FNBP1: variants seen among roughly 807,000 people sequenced by gnomAD.
The protein encoded by FNBP1 is formin binding protein 1, also known as formin-binding protein 1.
FNBP1 carries 26 observed loss-of-function variants against 90.6 expected under a neutral mutation model. The observed-to-expected ratio is 0.29, with a 90% CI of 0.21 to 0.40. The LOEUF is 0.40. Ranked by LOEUF, FNBP1 falls within the 10% of genes least tolerant of loss-of-function variation. The pLI is 1.00. For synonymous variants in FNBP1, 260 were observed against 265.2 expected, an observed-to-expected ratio of 0.98 and a Z score of 0.19; for missense variants, 635 against 768.0, an observed-to-expected ratio of 0.83 and a Z score of 2.05.
chr9:129,927,285 T>G lies in FNBP1; in HGVS notation c.699A>C (p.Thr233=). The change falls in exon 8 of 17, where the codon ACA becomes ACC. Residue 233 remains threonine (T), a synonymous_variant. Transcript: ENST00000446176. ...RIVRMGESMK[T]YAEVDRQVIP... is the part of the protein sequence containing the mutation. ...TCACCTGCCGATCAACCTCTGCATA[T>G]GTCTTCATGGACTCTCCCATTCTCA... 1 of 1,613,688 alleles carries G rather than the reference T, an allele frequency of 6.2e-7. No homozygotes were observed. The highest frequency in any genetic ancestry group is 8.5e-7 in the Non-Finnish European group (1 of 1,179,588).
At chr9:129,962,949 T>C (rs1422394656) in intron 4 of FNBP1, among the ~76,000 whole-genome samples, 1 of 151,764 alleles carries the variant, frequency 6.6e-6, no homozygotes, top group African/African-American at 2.4e-5. Context: ...TGTGCCCTTT[T>C]TGGAAGGCAC....
At chr9:129,954,776 C>T (rs1439473560) in intron 6 of FNBP1, among the ~76,000 whole-genome samples, 1 of 152,176 alleles carries the variant, frequency 6.6e-6, no homozygotes, top group East Asian at 1.9e-4. Context: ...GCTGGTGGAT[C>T]ACCTGAGGTC....
chr9:129,988,180 G>C (rs1449080040), intron 2 of FNBP1, among the ~76,000 whole-genome samples: 2 of 152,044 alleles, frequency 1.3e-5, no homozygotes, highest in African/African-American at 4.8e-5. Context: ...TGCTAATGGA[G>C]TGTCATGGGC....
chr9:129,910,577 C>T (rs1045142756), intron 11 of FNBP1, among the ~76,000 whole-genome samples: 1 of 150,868 alleles, frequency 6.6e-6, no homozygotes, highest in Non-Finnish European at 1.5e-5. Context: ...ACTTTAAACC[C>T]TCAATTCTTT....
At chr9:129,931,664 G>A (rs1015180769) in intron 6 of FNBP1, among the ~76,000 whole-genome samples, 2 of 151,810 alleles carry the variant, frequency 1.3e-5, no homozygotes, top group Admixed American at 6.6e-5. Context: ...TGGGTGTGGT[G>A]ATGTGTGCCT....
Position 129,929,581 on chromosome 9 carries a change from G to A in FNBP1, c.628C>T (p.Pro210Ser). 1 of 1,613,708 alleles carries A rather than the reference G, an allele frequency of 6.2e-7. No homozygotes were observed. The highest frequency in any genetic ancestry group is 8.5e-7 in the Non-Finnish European group (1 of 1,179,688). The change falls in exon 7 of 17, where the codon CCC (proline) becomes TCC (serine). Residue 210 changes from proline to serine, a missense_variant. Transcript: ENST00000446176. Reference protein sequence around the residue: ...EQHEYYHTHIPNIFQKIQEME... With the variant: ...EQHEYYHTHISNIFQKIQEME... The stretch of plus-strand genomic sequence containing the variant: ...TCAGGACTTACCTGGAAGATGTTGG[G>A]GATGTGAGTATGGTAATATTCATGC...
chr9:129,891,737 AAGG>A (rs1209075704), intron 16 of FNBP1, among the ~76,000 whole-genome samples: 1 of 152,176 alleles, frequency 6.6e-6, no homozygotes, highest in Admixed American at 6.6e-5. Flanking sequence ...CCATCATTTA[AAGG>A]AGGAGGTAGG....
chr9:130,022,209 C>T (rs2057901199), intron 1 of FNBP1, among the ~76,000 whole-genome samples: 1 of 145,470 alleles, frequency 6.9e-6, no homozygotes, highest in Non-Finnish European at 1.5e-5. Context: ...ATAAAATTAA[C>T]TTTTTTTTTT....
chr9:129,952,419 A>C (rs1024750931), intron 6 of FNBP1, among the ~76,000 whole-genome samples: 6 of 151,878 alleles, frequency 4.0e-5, no homozygotes, highest in Admixed American at 2.0e-4. Context: ...AATCGCTTGA[A>C]CCTGGGAGGT....
intron 2 of FNBP1, among the ~76,000 whole-genome samples, chr9:129,989,829 G>C (rs1266165667): frequency 6.6e-6 from 1 of 152,306 alleles, no homozygotes; most frequent in Non-Finnish European, 1.5e-5. Context: ...CTTGAACCTA[G>C]AAGTTCAAGA....
chr9:129,957,080 C>T lies in FNBP1; in HGVS notation c.513+280G>A, dbSNP rs1303211304. On this transcript the variant is annotated intron_variant, in intron 6 of 16. Coordinates refer to ENST00000446176, the MANE Select transcript of FNBP1 (RefSeq NM_015033.3). This position sits in a 1 kb window ranked among gnomAD's most constrained non-coding sequence, Gnocchi z 4.3. ...TGGCGATAGTTTCGCTCTTGTTACC[C>T]AGGCTGGAGTGCAGTGGCGTGATCT... Among the ~76,000 whole-genome samples, 2 of 151,618 alleles carry T rather than the reference C, an allele frequency of 1.3e-5. No individual in the cohort carries two copies. The highest frequency in any genetic ancestry group is 4.8e-5 in the African/African-American group (2 of 41,242).
chr9:130,043,181 A>T lies in FNBP1; in HGVS notation c.-206T>A, dbSNP rs2059994898. 7 of 382,770 alleles carry T rather than the reference A, an allele frequency of 1.8e-5. No homozygotes were observed. Among genetic ancestry groups the T allele is most frequent in the Non-Finnish European group, 3.2e-5 (7 of 220,216 alleles). The allele number at this position is 382,770 out of a possible 1,614,324, so 23.7% of individuals were successfully genotyped here. A position where few individuals can be genotyped will look rare whatever the true frequency, so the allele number is the denominator to read the frequency against. On this transcript the variant is annotated 5_prime_UTR_variant, in exon 1 of 17. Coordinates refer to ENST00000446176, the MANE Select transcript of FNBP1 (RefSeq NM_015033.3). ...CCACAGCAAAATGGCCCGAGGAAGCAGCAGCCGCGGCCGCCGCAGCGCCCG... is the reference window on the plus strand; with the variant it reads ...CCACAGCAAAATGGCCCGAGGAAGCTGCAGCCGCGGCCGCCGCAGCGCCCG...
intron 1 of FNBP1, among the ~76,000 whole-genome samples, chr9:130,007,997 C>A (rs377712298): frequency 0.03 from 2,814 of 94,998 alleles, no homozygotes; most frequent in African/African-American, 0.03. Flanking sequence ...GACTCTGTCT[C>A]AAAAAAAAAA....
At chr9:129,903,150 C>G (rs1316247601) in intron 12 of FNBP1, 149 bp from the exon 13 acceptor site, 1 of 716,690 alleles carries the variant, frequency 1.4e-6, no homozygotes, top group African/African-American at 1.8e-5. Context: ...CTCCAGGGTT[C>G]AAGCAATTCT....
At chr9:129,993,904 C>T (rs1231355788) in intron 2 of FNBP1, among the ~76,000 whole-genome samples, 4 of 152,124 alleles carry the variant, frequency 2.6e-5, no homozygotes, top group Non-Finnish European at 4.4e-5. Context: ...GGATTACAGG[C>T]GTGAGCCACT....
rs145763613 is a variant in FNBP1, at chr9:129,907,888, G to A, written c.1295+1002C>T. Among the ~76,000 whole-genome samples, 367 of 151,038 alleles carry A rather than the reference G, an allele frequency of 2.4e-3. 1 individual carries two copies. Among genetic ancestry groups the A allele is most frequent in the African/African-American group, 8.5e-3 (351 of 41,078 alleles). On this transcript the variant is annotated intron_variant, in intron 12 of 16. Transcript: ENST00000446176. ...GGACTATAGGCGCCCGCCACCATGC[G>A]AGCTAATTTTTTGTAATTTTAGTAG... is the stretch of plus-strand genomic sequence containing the variant.
At chr9:129,969,187 T>C (rs992338840) in intron 4 of FNBP1, among the ~76,000 whole-genome samples, 21 of 152,226 alleles carry the variant, frequency 1.4e-4, no homozygotes, top group Non-Finnish European at 2.4e-4. Flanking sequence ...TCCACACCCA[T>C]GTTGATCATT....
At chr9:130,009,945 C>CTCCA (rs971803544) in intron 1 of FNBP1, among the ~76,000 whole-genome samples, 1 of 148,662 alleles carries the variant, frequency 6.7e-6, no homozygotes, top group Non-Finnish European at 1.5e-5. Context: ...TGCCACTGTA[C>CTCCA]TCCAGCCTGG....
In FNBP1 at chr9:129,908,866, A is replaced by G. The variant is rs376140031; in HGVS notation, c.1295+24T>C. Reference sequence around the variant, plus strand: ...ACTGCGCCTGGCCTTGAATTTCTTAATAAGTCATATTGATGCACTATACCT... The same window carrying G: ...ACTGCGCCTGGCCTTGAATTTCTTAGTAAGTCATATTGATGCACTATACCT... On this transcript the variant is annotated intron_variant, in intron 12 of 16. Transcript: ENST00000446176. The G allele has an allele frequency of 2.3e-5, 34 of 1,506,096 alleles. No individual in the cohort carries two copies. In the African/African-American group the frequency reaches 4.0e-4, roughly 18 times the overall value. 93.3% of individuals were successfully genotyped at this position (1,506,096 alleles called of 1,614,324 possible).
Sources: allele counts gnomAD v4.1 joint callset (sites outside exome capture counted in the v4.1 genomes callset), GRCh38; gene constraint gnomAD v4.1.1; non-coding constraint Gnocchi (gnomAD v3.1); transcripts MANE v1.5; gene names NCBI Gene and HGNC (gene_info 2026-07-23, HGNC 2026-07-21).